Variants in AR observed in about 807,000 individuals in gnomAD.
AR encodes androgen receptor.
Under a neutral mutation model 53.9 loss-of-function variants are expected in AR, and 8 were observed. The observed-to-expected ratio is 0.15, with a 90% confidence interval of 0.09 to 0.27. The LOEUF (loss-of-function observed/expected upper bound fraction) is 0.27. Ranked by LOEUF, AR falls within the 10% of genes least tolerant of loss-of-function variation. The probability of loss-of-function intolerance (pLI) is 1.00; values close to 1 mark genes in which losing one functional copy is unlikely to be tolerated. For missense variants in AR, 639 were observed against 742.5 expected (o/e 0.86, Z 1.62); for synonymous variants, 359 against 316.4 (o/e 1.13, Z -1.43).
chrX:67,677,723 T>A (rs918628000), intron 2 of AR, among the ~76,000 whole-genome samples: 1 of 111,507 alleles, frequency 9.0e-6, no homozygotes, highest in African/African-American at 3.3e-5. Context: ...TGAGTTTTGG[T>A]TCCATCTCTG....
chrX:67,723,308 C>CTGTGTG (rs1473926812), intron 7 of AR, among the ~76,000 whole-genome samples: 3 of 14,586 alleles, frequency 2.1e-4, no homozygotes, highest in East Asian at 1.4e-3. Flanking sequence ...GTGAGTTTGT[C>CTGTGTG]TGTCTGTGTG....
intron 1 of AR, among the ~76,000 whole-genome samples, chrX:67,585,420 C>T (rs1308887159): frequency 9.0e-6 from 1 of 111,617 alleles, no homozygotes; most frequent in Non-Finnish European, 1.9e-5. Context: ...CATGATATAA[C>T]TTGTCATTTG....
chrX:67,657,783 C>T (rs1926659931), intron 2 of AR, among the ~76,000 whole-genome samples: 1 of 111,921 alleles, frequency 8.9e-6, no homozygotes, highest in South Asian at 3.7e-4. Flanking sequence ...TATAGAGTCA[C>T]TGTTTTGCTC....
At chrX:67,651,508 A>G (rs779158055) in intron 2 of AR, among the ~76,000 whole-genome samples, 1 of 111,156 alleles carries the variant, frequency 9.0e-6, no homozygotes, top group African/African-American at 3.3e-5. Flanking sequence ...TGGAATTTGA[A>G]CCCAAGTCTT....
chrX:67,713,380 T>C (rs112270997), intron 4 of AR, among the ~76,000 whole-genome samples: 87 of 110,965 alleles, frequency 7.8e-4, no homozygotes, highest in African/African-American at 2.6e-3. Context: ...AGAGGAAAAA[T>C]ATAAAAAAGA....
intron 1 of AR, among the ~76,000 whole-genome samples, chrX:67,642,026 A>C (rs995626440): frequency 1.8e-5 from 2 of 111,141 alleles, no homozygotes; most frequent in Non-Finnish European, 3.8e-5. Flanking sequence ...AACGTTTTTC[A>C]TCTGTACAGT....
intron 2 of AR, among the ~76,000 whole-genome samples, chrX:67,645,693 G>C (rs1443710339): frequency 2.7e-5 from 3 of 110,345 alleles, no homozygotes; most frequent in African/African-American, 9.9e-5. Flanking sequence ...TTTCAGTCCT[G>C]AGCCCTTTGA....
At chrX:67,551,814 A>G (rs1443837103) in intron 1 of AR, among the ~76,000 whole-genome samples, 2 of 111,747 alleles carry the variant, frequency 1.8e-5, no homozygotes, top group Non-Finnish European at 3.8e-5. Context: ...GCTGCTACAT[A>G]GAGATGATTG....
At chrX:67,597,661 C>T (rs955174389) in intron 1 of AR, among the ~76,000 whole-genome samples, 1 of 111,748 alleles carries the variant, frequency 8.9e-6, no homozygotes, top group Non-Finnish European at 1.9e-5. Context: ...TCATACTGGC[C>T]TATGGACTAT....
chrX:67,572,663 T>C (rs1390451124), intron 1 of AR, among the ~76,000 whole-genome samples: 1 of 111,366 alleles, frequency 9.0e-6, no homozygotes, highest in Non-Finnish European at 1.9e-5. Context: ...AATTCCGTTT[T>C]TTTCTGTTTT....
At chrX:67,577,350 A>G (rs1392337509) in intron 1 of AR, among the ~76,000 whole-genome samples, 1 of 110,969 alleles carries the variant, frequency 9.0e-6, no homozygotes, top group Non-Finnish European at 1.9e-5. Context: ...TTAATGTATC[A>G]TATTTGTTTT....
chrX:67,717,593 C>G lies in AR; in HGVS notation c.2289C>G (p.Leu763=), dbSNP rs2147531084. 11 of 1,212,253 alleles carry G rather than the reference C, an allele frequency of 9.1e-6. No homozygotes were observed. Among genetic ancestry groups the G allele is most frequent in the Non-Finnish European group, 1.2e-5 (11 of 895,626 alleles). Residue 763 remains leucine, a synonymous_variant, in exon 5 of 8, where the codon CTC becomes CTG. Transcript: ENST00000374690. ...RSFTNVNSRM[L]YFAPDLVFNE... ...TCACCAATGTCAACTCCAGGATGCT[C>G]TACTTCGCCCCTGATCTGGTTTTCA...
At chrX:67,719,436 T>C (rs1216236051) in intron 5 of AR, among the ~76,000 whole-genome samples, 1 of 111,599 alleles carries the variant, frequency 9.0e-6, no homozygotes, top group East Asian at 2.8e-4. Context: ...TCTCTGCCTC[T>C]AAGTAAGCAT....
chrX:67,635,733 T>C (rs2147422899), intron 1 of AR, among the ~76,000 whole-genome samples: 1 of 111,518 alleles, frequency 9.0e-6, no homozygotes, highest in African/African-American at 3.2e-5. Context: ...GTTGAAGAAT[T>C]GCAAGTGGTG....
At chrX:67,678,165 G>A (rs911122040) in intron 2 of AR, among the ~76,000 whole-genome samples, 8 of 111,081 alleles carry the variant, frequency 7.2e-5, no homozygotes, top group Non-Finnish European at 1.3e-4. Context: ...ACAGAGTTTC[G>A]CTAAGGCAAA....
intron 1 of AR, among the ~76,000 whole-genome samples, chrX:67,566,425 G>A (rs187103174): frequency 2.7e-4 from 30 of 111,906 alleles, no homozygotes; most frequent in Admixed American, 1.5e-3. Flanking sequence ...TAAAAATGGG[G>A]TGTCTTTTAT....
rs10666509 is a variant in AR at position 67,728,574 on chromosome X, AATATATATAT to A, written c.*4765_*4774del. ...ATTTGTATCCATGTTTCAAAATTGA[AATATATATAT>A]ATATATATATATATATATATATATA... On this transcript the variant is annotated 3_prime_UTR_variant, in exon 8 of 8. Transcript: ENST00000374690. The A allele has an allele frequency of 0.011, 316 of 29,873 alleles. 12 individuals carry two copies. The highest frequency in any genetic ancestry group is 0.078 in the South Asian group (21 of 269). The allele number at this position is 29,873 out of a possible 1,213,427, so 2.5% of individuals were successfully genotyped here.
chrX:67,592,440 G>A (rs1327034647), intron 1 of AR, among the ~76,000 whole-genome samples: 1 of 111,242 alleles, frequency 9.0e-6, no homozygotes, highest in East Asian at 2.8e-4. Context: ...AATATGATTT[G>A]ATTATGTACA....
intron 2 of AR, among the ~76,000 whole-genome samples, chrX:67,647,580 C>A (rs923324603): frequency 8.9e-6 from 1 of 112,088 alleles, no homozygotes; most frequent in African/African-American, 3.2e-5. Context: ...TTCAACAGAG[C>A]CTTCATCAGG....
Sources: gnomAD v4.1 joint callset for allele counts (sites outside exome capture counted in the v4.1 genomes callset) on GRCh38, gnomAD v4.1.1 for gene constraint, MANE v1.5 for transcripts, NCBI Gene and HGNC (gene_info 2026-07-23, HGNC 2026-07-21) for gene names.